The following MED13L variants were observed in gnomAD, a reference collection of about 807,000 sequenced individuals.
The protein encoded by MED13L is mediator complex subunit 13L.
MED13L carries 7 observed loss-of-function variants against 220.9 expected under a neutral mutation model. That is an observed-to-expected ratio of 0.03 (90% CI 0.02 to 0.06). The LOEUF is 0.06. Among genes scored for constraint, MED13L ranks in the 10% least tolerant of loss-of-function variants. The pLI, the probability that MED13L is intolerant of heterozygous loss-of-function variation, is 1.00. For synonymous variants in MED13L, 1,011 were observed against 1,015.2 expected, an observed-to-expected ratio of 1.00 and a Z score of 0.08; for missense variants, 1,965 against 2,760.5, an observed-to-expected ratio of 0.71 and a Z score of 6.46.
intron 2 of MED13L, among the ~76,000 whole-genome samples, chr12:116,130,671 A>G (rs951882930): frequency 6.6e-6 from 1 of 151,720 alleles, no homozygotes; most frequent in Non-Finnish European, 1.5e-5. Context: ...GTATCTGCCA[A>G]CTTCCTGTGA....
At chr12:116,202,535 T>C (rs1882065179) in intron 2 of MED13L, among the ~76,000 whole-genome samples, 1 of 151,960 alleles carries the variant, frequency 6.6e-6, no homozygotes, top group Admixed American at 6.6e-5. Flanking sequence ...GGCAAGAGAG[T>C]ACAATGGAAA....
chr12:115,966,433 C>T (rs1876168125), intron 28 of MED13L, among the ~76,000 whole-genome samples, 190 bp from the exon 29 acceptor site: 1 of 152,136 alleles, frequency 6.6e-6, no homozygotes, highest in Non-Finnish European at 1.5e-5. Flanking sequence ...GAGAAGATAC[C>T]AGCAAAACTG....
intron 1 of MED13L, among the ~76,000 whole-genome samples, chr12:116,252,865 A>G (rs990163805): frequency 2.0e-5 from 3 of 152,158 alleles, no homozygotes; most frequent in Admixed American, 6.5e-5. Context: ...GGGAATTATT[A>G]CAGACAATTT....
At position 116,007,646 on chromosome 12, in the gene MED13L, A is replaced by AAC; in HGVS notation, c.2013-11_2013-10insGT. 2 of 561,576 alleles carry AAC rather than the reference A, an allele frequency of 3.6e-6. No homozygotes were observed. The highest frequency in any genetic ancestry group is 5.1e-6 in the Non-Finnish European group (2 of 393,184). The allele number at this position is 561,576 out of a possible 1,614,324, so 34.8% of individuals were successfully genotyped here. A position where few individuals can be genotyped will look rare whatever the true frequency, so the allele number is the denominator to read the frequency against. On this transcript the variant is annotated splice_polypyrimidine_tract_variant and intron_variant, in intron 10 of 30. Coordinates refer to ENST00000281928, the MANE Select transcript of MED13L (RefSeq NM_015335.5). ...AGGTTGTGCTAAGAGTCTAAAAGAC[A>AAC]AAAAAAAAAAAAAAAAAAAGAGCAT...
chr12:116,037,642 T>C (rs1052372659), intron 4 of MED13L, among the ~76,000 whole-genome samples: 1 of 152,140 alleles, frequency 6.6e-6, no homozygotes, highest in African/African-American at 2.4e-5. Flanking sequence ...ACTTGGGTAG[T>C]GCGTTATAAA....
chr12:116,002,917 A>G, intron 14 of MED13L, 86 bp downstream of exon 14: 1 of 1,102,982 alleles, frequency 9.1e-7, no homozygotes, highest in South Asian at 1.3e-5. Flanking sequence ...ATTTCAGATA[A>G]AGATAAAGCA....
At chr12:116,199,733 T>C (rs1163988048) in intron 2 of MED13L, among the ~76,000 whole-genome samples, 1 of 152,100 alleles carries the variant, frequency 6.6e-6, no homozygotes, top group African/African-American at 2.4e-5. Context: ...GAAAAATCAT[T>C]TTTTGGTCCA....
At chr12:116,176,053 GA>G (rs1164097403) in intron 2 of MED13L, among the ~76,000 whole-genome samples, 1 of 152,088 alleles carries the variant, frequency 6.6e-6, no homozygotes, top group African/African-American at 2.4e-5. Context: ...AGAGACCACT[GA>G]AAAATCAAGT....
intron 2 of MED13L, among the ~76,000 whole-genome samples, chr12:116,176,487 T>C (rs1880070735): frequency 2.0e-5 from 3 of 151,996 alleles, no homozygotes; most frequent in Admixed American, 2.0e-4. Flanking sequence ...AACAAGAGGA[T>C]ATGAAGAATG....
At chr12:116,194,192 T>C (rs1013761383) in intron 2 of MED13L, among the ~76,000 whole-genome samples, 9 of 150,904 alleles carry the variant, frequency 6.0e-5, no homozygotes, top group Non-Finnish European at 8.8e-5. Flanking sequence ...TGAGACAGAG[T>C]TTCGCTCTTT....
At position 115,960,697 on chromosome 12, in the gene MED13L, G is replaced by A; in HGVS notation, c.*569C>T. ...AAATGAAGCTGTCTCCAGACCTTCT[G>A]CATTGACACACAGGTTTGAAGTCAA... On this transcript the variant is annotated 3_prime_UTR_variant, in exon 31 of 31. Coordinates refer to ENST00000281928, the MANE Select transcript of MED13L (RefSeq NM_015335.5). 1 of 163,068 alleles carries A rather than the reference G, an allele frequency of 6.1e-6. No individual in the cohort carries two copies. Among genetic ancestry groups the A allele is most frequent in the Admixed American group, 5.5e-5 (1 of 18,068 alleles). 10.1% of individuals were successfully genotyped at this position (163,068 alleles called of 1,614,324 possible).
In MED13L at chr12:116,263,707, T is replaced by C. The variant is rs543946458; in HGVS notation, c.72+13353A>G. Among the ~76,000 whole-genome samples the C allele has an allele frequency of 2.0e-5, 3 of 152,356 alleles. No individual in the cohort carries two copies. The East Asian group carries it at 5.8e-4, about 29-fold the overall frequency. On this transcript the variant is annotated intron_variant, in intron 1 of 30. Transcript: ENST00000281928. Reference sequence around the variant, plus strand: ...TATCTCAACAGGATACATTTATTTATATATCCCAAGGCTCTAAAATGAGCC... The same window carrying C: ...TATCTCAACAGGATACATTTATTTACATATCCCAAGGCTCTAAAATGAGCC...
At chr12:116,265,521 TA>T (rs1174314366) in intron 1 of MED13L, among the ~76,000 whole-genome samples, 1 of 152,248 alleles carries the variant, frequency 6.6e-6, no homozygotes, top group Non-Finnish European at 1.5e-5. Flanking sequence ...TCTCCCGTTT[TA>T]GTTTCATATC....
chr12:116,221,054 GT>G (rs1270792996), intron 2 of MED13L, among the ~76,000 whole-genome samples: 1 of 152,010 alleles, frequency 6.6e-6, no homozygotes, highest in Admixed American at 6.6e-5. Flanking sequence ...ATAAAAATGA[GT>G]TTAATAAACA....
chr12:116,015,028 G>T, intron 8 of MED13L, 81 bp downstream of exon 8: 1 of 1,377,714 alleles, frequency 7.3e-7, no homozygotes, highest in Non-Finnish European at 1.0e-6. Flanking sequence ...ACACAATAGT[G>T]CAATGTGATT....
At chr12:116,071,819 C>T (rs1385711176) in intron 4 of MED13L, among the ~76,000 whole-genome samples, 1 of 105,264 alleles carries the variant, frequency 9.5e-6, no homozygotes, top group African/African-American at 3.0e-5. Flanking sequence ...TTTATATGGG[C>T]ATGCTCTATC....
chr12:116,129,236 G>A (rs1294990097), intron 2 of MED13L, among the ~76,000 whole-genome samples: 1 of 151,774 alleles, frequency 6.6e-6, no homozygotes, highest in Non-Finnish European at 1.5e-5. Context: ...TCTATTTGAG[G>A]ATAACCCAAA....
chr12:116,247,238 A>T (rs556150708), intron 1 of MED13L, among the ~76,000 whole-genome samples: 13 of 115,094 alleles, frequency 1.1e-4, no homozygotes, highest in Middle Eastern at 3.8e-3. Flanking sequence ...GCTCTGCTTT[A>T]AAAAAAAAAA....
intron 7 of MED13L, among the ~76,000 whole-genome samples, chr12:116,016,540 C>T (rs1879735945): frequency 6.6e-6 from 1 of 152,090 alleles, no homozygotes; most frequent in Non-Finnish European, 1.5e-5. Context: ...TAACATAGAC[C>T]TTCTCTCCAA....
Sources: gnomAD v4.1 joint callset for allele counts (sites outside exome capture counted in the v4.1 genomes callset) on GRCh38, gnomAD v4.1.1 for gene constraint, MANE v1.5 for transcripts, NCBI Gene and HGNC (gene_info 2026-07-23, HGNC 2026-07-21) for gene names.